CCDC148: variants seen among roughly 807,000 people sequenced by gnomAD.
CCDC148 encodes the protein coiled-coil domain containing 148.
CCDC148 carries 89 observed loss-of-function variants against 85.7 expected under a neutral mutation model. The ratio of observed to expected loss-of-function variants is 1.04; its 90% confidence interval spans 0.87 to 1.24. CCDC148 has a LOEUF of 1.24. CCDC148 is among the 50% of genes most tolerant of loss of function. The pLI is 0.00. For missense variants in CCDC148, 692 were observed against 671.7 expected (o/e 1.03, Z -0.33); for synonymous variants, 230 against 213.9 (o/e 1.08, Z -0.66).
intron 11 of CCDC148, among the ~76,000 whole-genome samples, chr2:158,211,122 C>T (rs182831321): frequency 1.4e-4 from 22 of 151,954 alleles, no homozygotes; most frequent in Non-Finnish European, 2.8e-4. Flanking sequence ...CACCATGGCA[C>T]GTGTATACCT....
rs1017361961 is a variant in CCDC148 at position 158,287,562 on chromosome 2, C to A, written c.1110+21871G>T. 4.6e-5 allele frequency among the ~76,000 whole-genome samples: 7 copies of A among 152,136 alleles called. No individual in the cohort carries two copies. The East Asian group carries it at 1.3e-3, about 29-fold the overall frequency. ...CAAGTCCAAAATCCAGCAGGGTAGTCAAATCTTAAAGTTACAAAATGATCT... is the reference window on the plus strand; with the variant it reads ...CAAGTCCAAAATCCAGCAGGGTAGTAAAATCTTAAAGTTACAAAATGATCT... On this transcript the variant is annotated intron_variant, in intron 9 of 13. Transcript: ENST00000283233.
intron 5 of CCDC148, among the ~76,000 whole-genome samples, chr2:158,339,519 T>C (rs1682560641): frequency 6.6e-6 from 1 of 152,138 alleles, no homozygotes; most frequent in African/African-American, 2.4e-5. Context: ...TAAATTTTTA[T>C]CAAACATAGC....
chr2:158,252,689 AC>A (rs1688842575), intron 9 of CCDC148, among the ~76,000 whole-genome samples: 1 of 151,448 alleles, frequency 6.6e-6, no homozygotes, highest in African/African-American at 2.4e-5. Context: ...TCCTGTGTCT[AC>A]CCTATAATCC....
Position 158,218,885 on chromosome 2 carries a change from A to G in CCDC148, c.1370+1710T>C, listed in dbSNP as rs1204891297. On this transcript the variant is annotated intron_variant, in intron 11 of 13. Coordinates refer to ENST00000283233, the MANE Select transcript of CCDC148 (RefSeq NM_138803.4). ...TCAGTAACAGATTATACTAAACTCTAAAATCCTGAGCTACCTGGGAAATAA... is the reference window on the plus strand; with the variant it reads ...TCAGTAACAGATTATACTAAACTCTGAAATCCTGAGCTACCTGGGAAATAA... Among the ~76,000 whole-genome samples the G allele has an allele frequency of 2.0e-5, 3 of 152,230 alleles. No homozygotes were observed. In the East Asian group the frequency reaches 5.8e-4, roughly 29 times the overall value.
At chr2:158,393,056 A>T (rs1030561757) in intron 1 of CCDC148, among the ~76,000 whole-genome samples, 1 of 132,124 alleles carries the variant, frequency 7.6e-6, no homozygotes, top group Non-Finnish European at 1.6e-5. Context: ...GTTTTAGTTT[A>T]AAAAAAAAAG....
At chr2:158,356,701 T>C (rs1361243822) in intron 2 of CCDC148, among the ~76,000 whole-genome samples, 1 of 146,332 alleles carries the variant, frequency 6.8e-6, no homozygotes, top group Non-Finnish European at 1.5e-5. Flanking sequence ...GAACTGGAAA[T>C]ACCATTTGAC....
intron 9 of CCDC148, among the ~76,000 whole-genome samples, chr2:158,305,208 G>A (rs538688021): frequency 6.6e-6 from 1 of 152,162 alleles, no homozygotes; most frequent in South Asian, 2.1e-4. Context: ...CTGGGAGAAG[G>A]AAATGAAGAA....
At chr2:158,333,751 T>A (rs1693273376) in intron 7 of CCDC148, among the ~76,000 whole-genome samples, 2 of 152,128 alleles carry the variant, frequency 1.3e-5, no homozygotes, top group Non-Finnish European at 1.5e-5. Context: ...GTTGCATTGA[T>A]CCCTTTACCT....
chr2:158,279,201 A>C (rs901178948), intron 9 of CCDC148, among the ~76,000 whole-genome samples: 1 of 152,238 alleles, frequency 6.6e-6, no homozygotes, highest in Admixed American at 6.5e-5. Flanking sequence ...GAAAAACTGG[A>C]AACTCTAAAA....
At chr2:158,454,310 T>C (rs1429601353) in intron 1 of CCDC148, among the ~76,000 whole-genome samples, 2 of 152,114 alleles carry the variant, frequency 1.3e-5, no homozygotes, top group African/African-American at 4.8e-5. Context: ...TTGGAAGGCT[T>C]AGGAAAAATC....
Position 158,456,460 on chromosome 2 carries a change from G to A in CCDC148, c.-21C>T, listed in dbSNP as rs1358994007. On this transcript the variant is annotated 5_prime_UTR_variant, in exon 1 of 14. Coordinates refer to ENST00000283233, the MANE Select transcript of CCDC148 (RefSeq NM_138803.4). ...CACATGTCAAAGGTCAAAGGGCATAGCCTCAGGGACTCCCCAAACGCAGGA... is the reference window on the plus strand; with the variant it reads ...CACATGTCAAAGGTCAAAGGGCATAACCTCAGGGACTCCCCAAACGCAGGA... The A allele has an allele frequency of 6.2e-7, 1 of 1,608,410 alleles. No homozygotes were observed. The highest frequency in any genetic ancestry group is 8.5e-7 in the Non-Finnish European group (1 of 1,177,544).
At position 158,340,413 on chromosome 2, in the gene CCDC148, A is replaced by C; in HGVS notation, c.335-20T>G. On this transcript the variant is annotated intron_variant, in intron 4 of 13. Coordinates refer to ENST00000283233, the MANE Select transcript of CCDC148 (RefSeq NM_138803.4). ...CTTGCTCTATGGTGAAACAAAATTG[A>C]ATTAAAGGAACACATTATTATTTTA... 6.2e-7 allele frequency: 1 copy of C among 1,610,468 alleles called. No individual in the cohort carries two copies. Among genetic ancestry groups the C allele is most frequent in the Non-Finnish European group, 8.5e-7 (1 of 1,177,898 alleles).
At chr2:158,355,044 ACT>A (rs1236415711) in intron 2 of CCDC148, among the ~76,000 whole-genome samples, 2 of 151,910 alleles carry the variant, frequency 1.3e-5, no homozygotes, top group Non-Finnish European at 2.9e-5. Context: ...CATGCTAAAA[ACT>A]CTCAATAAAT....
At chr2:158,207,534 A>C (rs1407604286) in intron 11 of CCDC148, 1 of 152,176 alleles carries the variant, frequency 6.6e-6, no homozygotes, top group Non-Finnish European at 1.5e-5. Flanking sequence ...GGAGGACAAC[A>C]ATGGTTACAT....
chr2:158,441,872 C>T (rs1190663511), intron 1 of CCDC148, among the ~76,000 whole-genome samples: 7 of 151,940 alleles, frequency 4.6e-5, no homozygotes, highest in African/African-American at 1.7e-4. Flanking sequence ...AACTTTTTAC[C>T]AGCAAAAATC....
At chr2:158,220,801 T>A (rs1687141594) in intron 10 of CCDC148, 88 bp from the exon 11 acceptor site, 1 of 1,007,034 alleles carries the variant, frequency 9.9e-7, no homozygotes, top group Admixed American at 2.7e-5. Flanking sequence ...CTGGTTCGTA[T>A]TACAAAATTG....
chr2:158,220,913 T>C (rs993294769), intron 10 of CCDC148, among the ~76,000 whole-genome samples, 200 bp from the exon 11 acceptor site: 1 of 152,328 alleles, frequency 6.6e-6, no homozygotes, highest in East Asian at 1.9e-4. Flanking sequence ...CCTGAGAAAC[T>C]GCAAGGTTTA....
intron 11 of CCDC148, among the ~76,000 whole-genome samples, chr2:158,220,321 A>T (rs1687107544): frequency 6.6e-6 from 1 of 152,216 alleles, no homozygotes; most frequent in African/African-American, 2.4e-5. Flanking sequence ...GTATCATTTT[A>T]TGCACACAGT....
intron 9 of CCDC148, among the ~76,000 whole-genome samples, chr2:158,296,952 G>A (rs1461794861): frequency 6.6e-6 from 1 of 152,160 alleles, no homozygotes; most frequent in Non-Finnish European, 1.5e-5. Context: ...GTTCCTCAGA[G>A]CTCTCTTTCT....
Sources: gnomAD v4.1 joint callset for allele counts (sites outside exome capture counted in the v4.1 genomes callset) on GRCh38, gnomAD v4.1.1 for gene constraint, MANE v1.5 for transcripts, NCBI Gene and HGNC (gene_info 2026-07-23, HGNC 2026-07-21) for gene names.